Variants in ACYP2 observed in about 807,000 individuals in gnomAD.
ACYP2 encodes the protein acylphosphatase 2.
In ACYP2, 12 loss-of-function variants were observed where a neutral mutation model predicts 11.2. The ratio of observed to expected loss-of-function variants is 1.08; its 90% CI spans 0.69 to 1.74. The LOEUF (loss-of-function observed/expected upper bound fraction) is 1.74. Ranked by LOEUF, ACYP2 falls within the 40% of genes most tolerant of loss-of-function variation. ACYP2 has a pLI of 0.00. For missense variants in ACYP2, 134 were observed against 101.9 expected, an observed-to-expected ratio of 1.31 and a Z score of -1.35; for synonymous variants, 43 against 32.2, an observed-to-expected ratio of 1.33 and a Z score of -1.13.
chr2:54,082,181 C>T (rs1287637447), intron 4 of ACYP2, among the ~76,000 whole-genome samples: 1 of 151,936 alleles, frequency 6.6e-6, no homozygotes, highest in African/African-American at 2.4e-5. Flanking sequence ...TTTGAAATAT[C>T]AATCAGTTTT....
At chr2:54,070,808 C>G (rs1676999230) in intron 4 of ACYP2, among the ~76,000 whole-genome samples, 1 of 149,904 alleles carries the variant, frequency 6.7e-6, no homozygotes, top group African/African-American at 2.5e-5. Context: ...ACGATTATGG[C>G]TCACTGCAGT....
At chr2:54,084,438 G>A (rs376694911) in intron 4 of ACYP2, 1 of 152,594 alleles carries the variant, frequency 6.6e-6, no homozygotes, top group Non-Finnish European at 1.5e-5. Flanking sequence ...GGGACTACAG[G>A]AATGCGCCAC....
intron 4 of ACYP2, among the ~76,000 whole-genome samples, chr2:54,103,152 A>G (rs1293589578): frequency 6.7e-6 from 1 of 150,114 alleles, no homozygotes. Flanking sequence ...AGCAAAAGAA[A>G]AAATTTATAT....
intron 4 of ACYP2, among the ~76,000 whole-genome samples, chr2:54,058,973 C>T (rs1676317964): frequency 6.6e-6 from 1 of 152,082 alleles, no homozygotes; most frequent in Non-Finnish European, 1.5e-5. Flanking sequence ...TGTCTCTGGT[C>T]ACGGAGGGGT....
intron 4 of ACYP2, among the ~76,000 whole-genome samples, chr2:54,092,056 A>C (rs1461939293): frequency 6.6e-6 from 1 of 152,192 alleles, no homozygotes; most frequent in Admixed American, 6.5e-5. Context: ...GCTATAAGGC[A>C]GCTATAGAGG....
At chr2:54,252,903 CAAAA>C (rs750791731) in intron 6 of ACYP2, among the ~76,000 whole-genome samples, 1 of 136,036 alleles carries the variant, frequency 7.4e-6, no homozygotes, top group African/African-American at 2.7e-5. Flanking sequence ...GACTCCGTCT[CAAAA>C]AAAAAAAAAA....
At chr2:54,042,633 T>C (rs149248826) in intron 2 of ACYP2, among the ~76,000 whole-genome samples, 1 of 152,170 alleles carries the variant, frequency 6.6e-6, no homozygotes, top group African/African-American at 2.4e-5. Context: ...TATTAGTGTC[T>C]GGTAAATGAT....
At chr2:54,192,280 T>G (rs1684271375) in intron 6 of ACYP2, among the ~76,000 whole-genome samples, 1 of 152,192 alleles carries the variant, frequency 6.6e-6, no homozygotes, top group South Asian at 2.1e-4. Context: ...ATATTCTTTC[T>G]TTAATTAAAT....
chr2:54,219,993 C>G (rs1363380017), intron 6 of ACYP2, among the ~76,000 whole-genome samples: 2 of 149,070 alleles, frequency 1.3e-5, no homozygotes, highest in Non-Finnish European at 3.0e-5. Context: ...CCACTCATCT[C>G]AGCCTCCCAA....
intron 6 of ACYP2, among the ~76,000 whole-genome samples, chr2:54,271,062 G>C (rs1426240330): frequency 6.6e-6 from 1 of 152,226 alleles, no homozygotes; most frequent in Non-Finnish European, 1.5e-5. Flanking sequence ...GATGCTTCTT[G>C]CCTCACAGGT....
chr2:54,198,060 C>G (rs1251045920), intron 6 of ACYP2, among the ~76,000 whole-genome samples: 1 of 150,862 alleles, frequency 6.6e-6, no homozygotes, highest in African/African-American at 2.4e-5. Context: ...ACTTTTGTCA[C>G]CCAGGCTGGA....
At chr2:54,189,977 T>C (rs959930417) in intron 6 of ACYP2, among the ~76,000 whole-genome samples, 2 of 152,214 alleles carry the variant, frequency 1.3e-5, no homozygotes, top group Non-Finnish European at 2.9e-5. Flanking sequence ...TCTTTTCGTA[T>C]ACCTGTTGGA....
At chr2:54,012,934 C>T (rs1220571761) in intron 2 of ACYP2, among the ~76,000 whole-genome samples, 1 of 152,122 alleles carries the variant, frequency 6.6e-6, no homozygotes, top group Non-Finnish European at 1.5e-5. Flanking sequence ...TCACCTCCCA[C>T]TCTCCCTCTC....
At chr2:53,974,667 A>G (rs1671377698) in intron 2 of ACYP2, among the ~76,000 whole-genome samples, 1 of 152,228 alleles carries the variant, frequency 6.6e-6, no homozygotes, top group East Asian at 1.9e-4. Context: ...GACATACAGT[A>G]TATACTAGTG....
At chr2:54,039,656 G>A (rs751174214) in intron 2 of ACYP2, among the ~76,000 whole-genome samples, 1 of 151,954 alleles carries the variant, frequency 6.6e-6, no homozygotes, top group Non-Finnish European at 1.5e-5. Flanking sequence ...CGAACTCCTC[G>A]ATCCACCCAC....
chr2:54,279,978 C>T (rs560178674), intron 6 of ACYP2, among the ~76,000 whole-genome samples: 7 of 152,280 alleles, frequency 4.6e-5, no homozygotes, highest in Admixed American at 2.6e-4. Flanking sequence ...TTAAGATAAA[C>T]TTCAACTACA....
At chr2:54,164,471 G>A (rs532981354) in intron 6 of ACYP2, among the ~76,000 whole-genome samples, 1 of 152,312 alleles carries the variant, frequency 6.6e-6, no homozygotes, top group South Asian at 2.1e-4. Flanking sequence ...CAGACTGGAG[G>A]CTGAAACACT....
At chr2:54,158,373 C>T (rs1161535399) in intron 6 of ACYP2, among the ~76,000 whole-genome samples, 1 of 151,628 alleles carries the variant, frequency 6.6e-6, no homozygotes, top group Admixed American at 6.6e-5. Context: ...TCTTTTTGCC[C>T]TTATTTTATT....
chr2:54,192,802 A>G (rs1684290985), intron 6 of ACYP2, among the ~76,000 whole-genome samples: 1 of 152,104 alleles, frequency 6.6e-6, no homozygotes, highest in African/African-American at 2.4e-5. Flanking sequence ...GGTGGAAGGC[A>G]CCCCTTCACA....
Sources: gnomAD v4.1 joint callset for allele counts (sites outside exome capture counted in the v4.1 genomes callset) on GRCh38, gnomAD v4.1.1 for gene constraint, MANE v1.5 for transcripts, NCBI Gene and HGNC (gene_info 2026-07-23, HGNC 2026-07-21) for gene names.